DSCAM: variants seen among roughly 807,000 people sequenced by gnomAD.
The protein encoded by DSCAM is DS cell adhesion molecule, also known as cell adhesion molecule DSCAM.
Under a neutral mutation model 217.7 loss-of-function variants are expected in DSCAM, and 47 were observed. The ratio of observed to expected loss-of-function variants is 0.22; its 90% CI spans 0.17 to 0.28. The LOEUF (loss-of-function observed/expected upper bound fraction) is 0.28. Among genes scored for constraint, DSCAM ranks in the 10% least tolerant of loss-of-function variants. The pLI, the probability that DSCAM is intolerant of heterozygous loss-of-function variation, is 1.00. For missense variants in DSCAM, 2,080 were observed against 2,618.3 expected (o/e 0.79, Z 4.49); for synonymous variants, 1,056 against 1,015.3 (o/e 1.04, Z -0.76).
intron 5 of DSCAM, among the ~76,000 whole-genome samples, chr21:40,348,777 A>G (rs560335554): frequency 2.1e-4 from 32 of 152,248 alleles, no homozygotes; most frequent in Non-Finnish European, 3.4e-4. Context: ...TCTTTGCAAC[A>G]AATGCAATAA....
chr21:40,039,010 A>G (rs1413022551), intron 32 of DSCAM, among the ~76,000 whole-genome samples: 1 of 111,700 alleles, frequency 9.0e-6, no homozygotes. Context: ...CACTCTGGGG[A>G]CTGTAGTGGG....
intron 11 of DSCAM, among the ~76,000 whole-genome samples, chr21:40,270,404 G>C (rs1345113570): frequency 3.3e-5 from 5 of 152,224 alleles, no homozygotes; most frequent in Admixed American, 3.3e-4. Flanking sequence ...GGAGGGATCT[G>C]AGTGTTGCAT....
At chr21:40,015,234 C>T (rs1393785732) in intron 32 of DSCAM, among the ~76,000 whole-genome samples, 1 of 152,120 alleles carries the variant, frequency 6.6e-6, no homozygotes, top group Non-Finnish European at 1.5e-5. Flanking sequence ...ATTCTGAAGG[C>T]CACAGTCTAC....
chr21:40,568,001 G>T (rs768293682), intron 3 of DSCAM, among the ~76,000 whole-genome samples: 1 of 151,932 alleles, frequency 6.6e-6, no homozygotes, highest in Non-Finnish European at 1.5e-5. Context: ...GCAGTGGCGC[G>T]ATCTCCGCTC....
At chr21:40,371,936 C>T (rs1462802220) in intron 3 of DSCAM, among the ~76,000 whole-genome samples, 1 of 152,144 alleles carries the variant, frequency 6.6e-6, no homozygotes, top group Non-Finnish European at 1.5e-5. Context: ...AATTTGACCT[C>T]CTTTGTCTAG....
chr21:40,042,542 T>C lies in DSCAM; in HGVS notation c.5515A>G (p.Ile1839Val). ...HAKFTITECF[I>V]SDTSSEQLTA... ...AACTGCTCCGATGACGTGTCTGATATGAAGCACTCCGTGATGGTGAACTTG... is the reference window on the plus strand; with the variant it reads ...AACTGCTCCGATGACGTGTCTGATACGAAGCACTCCGTGATGGTGAACTTG... Residue 1839 changes from isoleucine (I) to valine (V), a missense_variant, in exon 32 of 33, where the codon ATA (isoleucine) becomes GTA (valine). This residue lies in a region of DSCAM where 1,144 missense variants were observed against 1,421.1 expected (regional missense o/e 0.81). Coordinates refer to ENST00000400454, the MANE Select transcript of DSCAM (RefSeq NM_001389.5). The C allele has an allele frequency of 1.2e-6, 2 of 1,614,222 alleles. No individual in the cohort carries two copies. The highest frequency in any genetic ancestry group is 1.7e-6 in the Non-Finnish European group (2 of 1,180,040).
chr21:40,257,032 A>G (rs1436637547), intron 11 of DSCAM, among the ~76,000 whole-genome samples: 1 of 152,214 alleles, frequency 6.6e-6, no homozygotes, highest in Non-Finnish European at 1.5e-5. Context: ...CTTTACTACT[A>G]TGATGTGAAG....
chr21:40,314,956 G>C (rs2074179800), intron 8 of DSCAM, among the ~76,000 whole-genome samples: 1 of 152,128 alleles, frequency 6.6e-6, no homozygotes, highest in Non-Finnish European at 1.5e-5. Flanking sequence ...TATTTCACAA[G>C]CCTTTAAGAT....
In DSCAM at chr21:40,753,788, C is replaced by T. The variant is rs149650226; in HGVS notation, c.44-45017G>A. On this transcript the variant is annotated intron_variant, in intron 1 of 32. Transcript: ENST00000400454. ...ACATACAAAGGACAATTAGAAGAGT[C>T]GAGAAGTAAAAAGCAAAAAATGAAG... Among the ~76,000 whole-genome samples, 1,068 of 152,114 alleles carry T rather than the reference C, an allele frequency of 7.0e-3. 15 individuals carry two copies. The highest frequency in any genetic ancestry group is 0.025 in the African/African-American group (1,019 of 41,472).
chr21:40,335,619 G>A lies in DSCAM; in HGVS notation c.1783+2482C>T, dbSNP rs561897134. 8.5e-5 allele frequency among the ~76,000 whole-genome samples: 13 copies of A among 152,130 alleles called. No homozygotes were observed. The South Asian group carries it at 1.0e-3, about 12-fold the overall frequency. On this transcript the variant is annotated intron_variant, in intron 8 of 32. Transcript: ENST00000400454. ...GGTCATACTTCTGGAAATTTTTCTC[G>A]AAAGAAATAATCTTAAAATCAGACA...
At chr21:40,825,374 A>G (rs1303017892) in intron 1 of DSCAM, among the ~76,000 whole-genome samples, 1 of 149,604 alleles carries the variant, frequency 6.7e-6, no homozygotes, top group Non-Finnish European at 1.5e-5. Flanking sequence ...CTGGAGTGCA[A>G]TGGCACGATC....
At chr21:40,082,409 G>A (rs994169479) in intron 24 of DSCAM, among the ~76,000 whole-genome samples, 12 of 152,250 alleles carry the variant, frequency 7.9e-5, no homozygotes, top group African/African-American at 2.6e-4. Flanking sequence ...GCAGTGAGCC[G>A]AGATCGTGCC....
At chr21:40,624,092 G>A (rs1306006385) in intron 3 of DSCAM, among the ~76,000 whole-genome samples, 1 of 152,020 alleles carries the variant, frequency 6.6e-6, no homozygotes, top group Admixed American at 6.6e-5. Flanking sequence ...TCTTACCCAG[G>A]GCTTCCTGCC....
Position 40,012,934 on chromosome 21 carries a change from AT to A in DSCAM, c.*99del. On this transcript the variant is annotated 3_prime_UTR_variant, in exon 33 of 33. Transcript: ENST00000400454. Reference sequence around the variant, plus strand: ...TTTTTTTTTTTAATATATTTTGGCAATTTTCTTTAATTATAAATATTGGAAT... The same window carrying A: ...TTTTTTTTTTTAATATATTTTGGCAATTTCTTTAATTATAAATATTGGAAT... 1.1e-6 allele frequency: 1 copy of A among 923,896 alleles called. No homozygotes were observed. The allele number at this position is 923,896 out of a possible 1,614,324, so 57.2% of individuals were successfully genotyped here. A position where few individuals can be genotyped will look rare whatever the true frequency, so the allele number is the denominator to read the frequency against.
At chr21:40,114,102 C>T (rs1459159400) in intron 20 of DSCAM, among the ~76,000 whole-genome samples, 1 of 150,848 alleles carries the variant, frequency 6.6e-6, no homozygotes, top group Non-Finnish European at 1.5e-5. Context: ...CCCGCATCGC[C>T]AAGTCAATCC....
chr21:40,026,780 T>C (rs1201771346), intron 32 of DSCAM, among the ~76,000 whole-genome samples: 2 of 137,208 alleles, frequency 1.5e-5, no homozygotes, highest in Non-Finnish European at 3.2e-5. Context: ...GCACGTGAGA[T>C]GGGTCTCCTG....
At chr21:40,669,595 T>TC in intron 3 of DSCAM, among the ~76,000 whole-genome samples, 1 of 151,826 alleles carries the variant, frequency 6.6e-6, no homozygotes, top group African/African-American at 2.4e-5. Flanking sequence ...TATATATTTT[T>TC]TTTTTTTTTT....
At chr21:40,610,363 A>C (rs975951077) in intron 3 of DSCAM, among the ~76,000 whole-genome samples, 1 of 152,182 alleles carries the variant, frequency 6.6e-6, no homozygotes, top group African/African-American at 2.4e-5. Context: ...CAAACTGAGC[A>C]AACTAGAGAA....
At chr21:40,275,318 A>G (rs2073672403) in intron 11 of DSCAM, among the ~76,000 whole-genome samples, 1 of 152,146 alleles carries the variant, frequency 6.6e-6, no homozygotes, top group South Asian at 2.1e-4. Flanking sequence ...CAACAGAGTG[A>G]GCCTCTGCCT....
Sources: allele counts gnomAD v4.1 joint callset (sites outside exome capture counted in the v4.1 genomes callset), GRCh38; gene constraint gnomAD v4.1.1; regional missense constraint gnomAD v4.1.1; transcripts MANE v1.5; gene names NCBI Gene and HGNC (gene_info 2026-07-23, HGNC 2026-07-21).